The following FAM13B variants were observed in gnomAD, a reference collection of about 807,000 sequenced individuals.
FAM13B encodes the protein family with sequence similarity 13 member B, also known as protein FAM13B.
FAM13B carries 60 observed loss-of-function variants against 117.3 expected under a neutral mutation model. The ratio of observed to expected loss-of-function variants is 0.51; its 90% CI spans 0.42 to 0.63. The LOEUF (loss-of-function observed/expected upper bound fraction) is 0.63, where lower values mean the gene tolerates loss of function less well. FAM13B is among the 30% of genes least tolerant of loss of function. FAM13B has a pLI of 0.00. For synonymous variants in FAM13B, 332 were observed against 356.1 expected, an observed-to-expected ratio of 0.93 and a Z score of 0.76; for missense variants, 972 against 1,091.9, an observed-to-expected ratio of 0.89 and a Z score of 1.55.
intron 7 of FAM13B, among the ~76,000 whole-genome samples, chr5:137,991,688 T>C (rs1222193748): frequency 6.6e-6 from 1 of 152,166 alleles, no homozygotes; most frequent in African/African-American, 2.4e-5. Flanking sequence ...AATGGCAGTG[T>C]TTTAAAAAAT....
intron 10 of FAM13B, among the ~76,000 whole-genome samples, chr5:137,968,442 A>T (rs1405682386): frequency 6.6e-6 from 1 of 151,226 alleles, no homozygotes; most frequent in East Asian, 1.9e-4. Context: ...CTGTCTCAAA[A>T]AAAAAAAAAA....
intron 9 of FAM13B, 67 bp downstream of exon 9, chr5:137,987,394 T>C: frequency 7.5e-7 from 1 of 1,329,962 alleles, no homozygotes; most frequent in Non-Finnish European, 1.0e-6. Flanking sequence ...GTTATTTAAG[T>C]AGCAATACAG....
chr5:137,948,015 A>G (rs914913982), intron 18 of FAM13B, among the ~76,000 whole-genome samples: 4 of 152,152 alleles, frequency 2.6e-5, no homozygotes, highest in African/African-American at 9.7e-5. Context: ...TGTTGTCAAG[A>G]TAAGAGTTCC....
intron 9 of FAM13B, among the ~76,000 whole-genome samples, 169 bp downstream of exon 9, chr5:137,987,292 T>C (rs980776802): frequency 2.0e-5 from 3 of 151,874 alleles, no homozygotes; most frequent in African/African-American, 7.2e-5. Flanking sequence ...TGATGAGATA[T>C]CCAGTGTTAA....
chr5:138,023,240 G>T (rs1362272112), intron 1 of FAM13B, among the ~76,000 whole-genome samples: 1 of 152,146 alleles, frequency 6.6e-6, no homozygotes, highest in Admixed American at 6.6e-5. Context: ...TTGATACTAG[G>T]AAAACAATCG....
At chr5:138,036,575 A>G (rs758059293), upstream of FAM13B, 4 of 456,736 alleles carry the variant, frequency 8.8e-6, no homozygotes, top group South Asian at 6.2e-5. Flanking sequence ...CACCTGTGGT[A>G]AGAATCACAG....
intron 10 of FAM13B, among the ~76,000 whole-genome samples, chr5:137,980,321 G>T (rs895186330): frequency 2.6e-5 from 4 of 152,216 alleles, no homozygotes; most frequent in East Asian, 1.9e-4. Context: ...GGGTTGGGGG[G>T]AAGAAATGGT....
At chr5:137,992,516 C>T (rs1778870171) in intron 7 of FAM13B, among the ~76,000 whole-genome samples, 1 of 151,948 alleles carries the variant, frequency 6.6e-6, no homozygotes, top group Admixed American at 6.6e-5. Flanking sequence ...ATCACTTGAA[C>T]CCGGGAGGAA....
At chr5:137,946,387 A>G in intron 18 of FAM13B, 76 bp from the exon 19 acceptor site, 1 of 897,256 alleles carries the variant, frequency 1.1e-6, no homozygotes, top group East Asian at 2.6e-5. Context: ...GGCACCATTA[A>G]TATTCTCCTC....
chr5:137,995,950 C>T (rs1171790840), intron 7 of FAM13B, among the ~76,000 whole-genome samples: 1 of 152,144 alleles, frequency 6.6e-6, no homozygotes, highest in Non-Finnish European at 1.5e-5. Flanking sequence ...TTCCTTTTTA[C>T]ACTCAAGTGG....
At chr5:137,954,479 T>TA in intron 14 of FAM13B, 103 bp from the exon 15 acceptor site, 1 of 746,186 alleles carries the variant, frequency 1.3e-6, no homozygotes, top group Non-Finnish European at 2.2e-6. Flanking sequence ...TATCATTATG[T>TA]AGTGGTTCAT....
chr5:137,996,650 T>C (rs920449704), intron 7 of FAM13B, among the ~76,000 whole-genome samples: 2 of 152,018 alleles, frequency 1.3e-5, no homozygotes, highest in South Asian at 2.1e-4. Flanking sequence ...TGGAGTGCAA[T>C]GTGCAATCTC....
intron 1 of FAM13B, among the ~76,000 whole-genome samples, chr5:138,024,833 AGAAAGAG>A (rs1787826481): frequency 2.7e-5 from 4 of 147,648 alleles, no homozygotes; most frequent in African/African-American, 7.4e-5. Context: ...AGAGAGAGAG[AGAAAGAG>A]AGAGAGAGAG....
chr5:138,026,277 G>C (rs923216809), intron 1 of FAM13B, among the ~76,000 whole-genome samples: 1 of 152,018 alleles, frequency 6.6e-6, no homozygotes, highest in Non-Finnish European at 1.5e-5. Context: ...TTATTAAAAC[G>C]TATTGAGCTG....
chr5:137,977,080 G>A (rs960291166), intron 10 of FAM13B, among the ~76,000 whole-genome samples: 1 of 152,166 alleles, frequency 6.6e-6, no homozygotes, highest in Non-Finnish European at 1.5e-5. Flanking sequence ...ATGCACCCCT[G>A]AGGGTAGGTC....
At chr5:138,045,977 G>A (rs1791630195) in intron 1 of FAM13B, among the ~76,000 whole-genome samples, 1 of 151,756 alleles carries the variant, frequency 6.6e-6, no homozygotes, top group Admixed American at 6.6e-5. Context: ...AGAGTATGAT[G>A]TGGTTTGGCT....
intron 15 of FAM13B, among the ~76,000 whole-genome samples, chr5:137,953,877 A>T (rs1765702693): frequency 6.6e-6 from 1 of 152,216 alleles, no homozygotes; most frequent in Non-Finnish European, 1.5e-5. Flanking sequence ...ATACATAAAT[A>T]AATGAATAAT....
rs143483187 is a variant in FAM13B, at chr5:137,952,702, T to C, written c.1856A>G (p.Tyr619Cys). The C allele has an allele frequency of 7.1e-5, 114 of 1,599,206 alleles. No homozygotes were observed. Among genetic ancestry groups the C allele is most frequent in the Non-Finnish European group, 9.0e-5 (106 of 1,172,890 alleles). The change falls in exon 17 of 24, where the codon TAC becomes TGC. Residue 619 changes from tyrosine (Y) to cysteine (C), a missense_variant. Coordinates refer to ENST00000689681, the MANE Select transcript of FAM13B (RefSeq NM_001385994.1). The stretch of plus-strand genomic sequence containing the variant: ...CTTTGGATTGGCAGCAATATCACTG[T>C]AGGAGGGCTGAAAAATTATGGAGCA... ...FERERNSKPS[Y>C]SDIAANPKVL... is the part of the protein sequence containing the mutation.
At chr5:137,988,128 G>T (rs948323196) in intron 8 of FAM13B, 146 bp downstream of exon 8, 4 of 479,606 alleles carry the variant, frequency 8.3e-6, no homozygotes, top group Non-Finnish European at 1.5e-5. Flanking sequence ...TTCTTCATTT[G>T]TTCCTATCAC....
Sources: allele counts gnomAD v4.1 joint callset (sites outside exome capture counted in the v4.1 genomes callset), GRCh38; gene constraint gnomAD v4.1.1; transcripts MANE v1.5; gene names NCBI Gene and HGNC (gene_info 2026-07-23, HGNC 2026-07-21).